The following TTLL5 variants were observed in gnomAD, a reference collection of about 807,000 sequenced individuals.
TTLL5 encodes the protein tubulin tyrosine ligase like 5, also known as tubulin polyglutamylase TTLL5.
In TTLL5, 132 loss-of-function variants were observed where a neutral mutation model predicts 168.4. That is an observed-to-expected ratio of 0.78 (90% CI 0.68 to 0.91). TTLL5 has a LOEUF of 0.91. Among genes scored for constraint, TTLL5 ranks in the 40% least tolerant of loss-of-function variants. The probability of loss-of-function intolerance (pLI) is 0.00; values close to 1 mark genes in which losing one functional copy is unlikely to be tolerated. For missense variants in TTLL5, 1,545 were observed against 1,581.5 expected, an observed-to-expected ratio of 0.98 and a Z score of 0.39; for synonymous variants, 546 against 558.6, an observed-to-expected ratio of 0.98 and a Z score of 0.32.
At chr14:75,768,343 G>A (rs1486073338) in intron 20 of TTLL5, among the ~76,000 whole-genome samples, 1 of 152,150 alleles carries the variant, frequency 6.6e-6, no homozygotes, top group East Asian at 1.9e-4. Flanking sequence ...AGAGACTTCT[G>A]GATTTGTGAC....
At chr14:75,765,403 C>T (rs1890908516) in intron 19 of TTLL5, among the ~76,000 whole-genome samples, 1 of 152,126 alleles carries the variant, frequency 6.6e-6, no homozygotes, top group South Asian at 2.1e-4. Context: ...CTTTATACCT[C>T]CGTGAAGGGT....
At chr14:75,676,132 G>T (rs1884134583) in intron 3 of TTLL5, among the ~76,000 whole-genome samples, 1 of 152,130 alleles carries the variant, frequency 6.6e-6, no homozygotes, top group South Asian at 2.1e-4. Flanking sequence ...TGGATTAAAT[G>T]ATTCCCACCC....
At chr14:75,703,293 C>T (rs1188915412) in intron 7 of TTLL5, among the ~76,000 whole-genome samples, 1 of 152,204 alleles carries the variant, frequency 6.6e-6, no homozygotes, top group Non-Finnish European at 1.5e-5. Flanking sequence ...ACTAAAACTT[C>T]CCTATAGTAG....
chr14:75,894,403 A>C (rs565223372), intron 30 of TTLL5, among the ~76,000 whole-genome samples: 4 of 152,288 alleles, frequency 2.6e-5, no homozygotes, highest in African/African-American at 9.6e-5. Flanking sequence ...AATACAAAAA[A>C]TTAGCTGGGC....
intron 29 of TTLL5, among the ~76,000 whole-genome samples, chr14:75,872,547 G>A (rs1183106038): frequency 6.6e-6 from 1 of 152,088 alleles, no homozygotes; most frequent in Non-Finnish European, 1.5e-5. Context: ...AGGAGACACA[G>A]GTCATATGGT....
chr14:75,670,566 T>A (rs1566808190), intron 3 of TTLL5, among the ~76,000 whole-genome samples: 1 of 152,214 alleles, frequency 6.6e-6, no homozygotes, highest in African/African-American at 2.4e-5. Flanking sequence ...TTTCTCCACA[T>A]CCTCACTAAC....
chr14:75,789,235 G>C (rs1301641164), intron 26 of TTLL5, among the ~76,000 whole-genome samples: 1 of 152,108 alleles, frequency 6.6e-6, no homozygotes, highest in Non-Finnish European at 1.5e-5. Context: ...CTGGAGATCA[G>C]AACCAACATA....
chr14:75,751,845 T>C (rs1044597157), intron 17 of TTLL5, among the ~76,000 whole-genome samples: 2 of 152,154 alleles, frequency 1.3e-5, no homozygotes, highest in Non-Finnish European at 1.5e-5. Flanking sequence ...GCAAGTTTAT[T>C]AACAAAGTAA....
intron 21 of TTLL5, 137 bp from the exon 22 acceptor site, chr14:75,775,347 T>A: frequency 1.0e-6 from 1 of 985,866 alleles, no homozygotes; most frequent in East Asian, 2.4e-5. Context: ...CCTAACCTTT[T>A]TGTTCTGGGT....
intron 22 of TTLL5, among the ~76,000 whole-genome samples, chr14:75,776,229 G>T (rs1891717735): frequency 6.6e-6 from 1 of 152,158 alleles, no homozygotes; most frequent in Non-Finnish European, 1.5e-5. Context: ...TTCTAAAGTT[G>T]CATGGAATTG....
At chr14:75,719,498 G>A (rs1013859807) in intron 10 of TTLL5, among the ~76,000 whole-genome samples, 10 of 152,022 alleles carry the variant, frequency 6.6e-5, no homozygotes. Context: ...AGAATTTGCC[G>A]CCTTCTTCCC....
intron 9 of TTLL5, chr14:75,709,654 G>A (rs1455123813): frequency 1.9e-5 from 3 of 161,644 alleles, no homozygotes; most frequent in Non-Finnish European, 2.7e-5. Flanking sequence ...GTAGACACAC[G>A]TGCTCTCACG....
chr14:75,914,033 A>AAAAAAAATAT lies in TTLL5; in HGVS notation c.3823+11810_3823+11811insAAAAAATATA. Among the ~76,000 whole-genome samples, 125 of 71,082 alleles carry AAAAAAAATAT rather than the reference A, an allele frequency of 1.8e-3. 1 individual carries two copies. The highest frequency in any genetic ancestry group is 1.9e-3 in the Non-Finnish European group (92 of 48,254). The allele number at this position is 71,082 out of a possible 152,430, so 46.6% of individuals were successfully genotyped here. ...GTTTAAAAGGAAAAAAAAAAAAAAA[A>AAAAAAAATAT]ATATATATATATATATATATATTTT... On this transcript the variant is annotated intron_variant, in intron 31 of 31. Transcript: ENST00000298832.
chr14:75,913,463 C>T (rs2033470055), intron 31 of TTLL5, among the ~76,000 whole-genome samples: 1 of 152,136 alleles, frequency 6.6e-6, no homozygotes, highest in African/African-American at 2.4e-5. Flanking sequence ...CTCTACTAAG[C>T]TTGAAATTTC....
chr14:75,892,541 C>G (rs2140057752), intron 30 of TTLL5, among the ~76,000 whole-genome samples: 1 of 152,276 alleles, frequency 6.6e-6, no homozygotes, highest in South Asian at 2.1e-4. Flanking sequence ...TTATACTTGT[C>G]ATAACTGGGG....
intron 7 of TTLL5, among the ~76,000 whole-genome samples, chr14:75,701,883 C>T (rs550871230): frequency 6.6e-6 from 1 of 152,272 alleles, no homozygotes; most frequent in African/African-American, 2.4e-5. Context: ...GCTTTGATAT[C>T]ATTTCATTCT....
intron 28 of TTLL5, among the ~76,000 whole-genome samples, chr14:75,836,378 G>A (rs1895867772): frequency 6.7e-6 from 1 of 148,366 alleles, no homozygotes; most frequent in African/African-American, 2.5e-5. Flanking sequence ...TAGAATGCTG[G>A]TTACCAGAGA....
intron 30 of TTLL5, among the ~76,000 whole-genome samples, chr14:75,885,078 G>A (rs2032038397): frequency 3.9e-5 from 6 of 152,048 alleles, no homozygotes; most frequent in Admixed American, 3.9e-4. Flanking sequence ...GGGAGGCTGA[G>A]GCGGGAGAAT....
intron 27 of TTLL5, among the ~76,000 whole-genome samples, chr14:75,818,720 C>T (rs986093722): frequency 1.3e-5 from 2 of 149,400 alleles, no homozygotes; most frequent in Admixed American, 6.7e-5. Context: ...AGGCTGGTCT[C>T]GGTCTCCTAA....
Sources: gnomAD v4.1 joint callset for allele counts (sites outside exome capture counted in the v4.1 genomes callset) on GRCh38, gnomAD v4.1.1 for gene constraint, MANE v1.5 for transcripts, NCBI Gene and HGNC (gene_info 2026-07-23, HGNC 2026-07-21) for gene names.